The following GSG1L variants were observed in gnomAD, a reference collection of about 807,000 sequenced individuals.
GSG1L encodes germ cell-specific gene 1-like protein.
A neutral mutation model predicts 42.1 loss-of-function variants in GSG1L; 24 were observed. That is an observed-to-expected ratio of 0.57 (90% CI 0.41 to 0.80). GSG1L has a LOEUF of 0.80. GSG1L is among the 30% of genes least tolerant of loss of function. The pLI is 0.00. For missense variants in GSG1L, 445 were observed against 472.2 expected (o/e 0.94, Z 0.53); for synonymous variants, 215 against 203.5 (o/e 1.06, Z -0.48).
At chr16:27,900,334 T>A (rs1005206817) in intron 2 of GSG1L, among the ~76,000 whole-genome samples, 2 of 152,108 alleles carry the variant, frequency 1.3e-5, no homozygotes, top group African/African-American at 4.8e-5. Flanking sequence ...GCTATTACCA[T>A]CTCCACGTCA....
intron 2 of GSG1L, among the ~76,000 whole-genome samples, chr16:27,940,906 A>C (rs575639315): frequency 6.6e-6 from 1 of 152,078 alleles, no homozygotes; most frequent in African/African-American, 2.4e-5. Context: ...TAGGCCAAAG[A>C]AAGCATTAAT....
intron 6 of GSG1L, among the ~76,000 whole-genome samples, chr16:27,796,291 G>A (rs1413539078): frequency 6.6e-6 from 1 of 152,212 alleles, no homozygotes; most frequent in Non-Finnish European, 1.5e-5. Context: ...AGAAAGAAAG[G>A]AAGCTTGAAG....
intron 3 of GSG1L, among the ~76,000 whole-genome samples, chr16:27,877,220 G>A (rs1288673568): frequency 6.6e-6 from 1 of 152,084 alleles, no homozygotes; most frequent in African/African-American, 2.4e-5. Context: ...TGGGCAGCCG[G>A]AGCCATCCCT....
At chr16:27,959,264 C>A (rs1192033224) in intron 2 of GSG1L, among the ~76,000 whole-genome samples, 1 of 150,828 alleles carries the variant, frequency 6.6e-6, no homozygotes, top group Admixed American at 6.6e-5. Flanking sequence ...TTGAGACCAG[C>A]CTGGGCAACA....
intron 2 of GSG1L, among the ~76,000 whole-genome samples, chr16:27,960,797 G>A (rs764397751): frequency 3.9e-5 from 6 of 152,080 alleles, no homozygotes; most frequent in Non-Finnish European, 8.8e-5. Flanking sequence ...CAGCGAGTAC[G>A]TGAAAATCAT....
rs759855179 is a variant in GSG1L, at chr16:27,955,882, G to GAGGAAGGAAGGAAGGAAGGAAGGAAGGA, written c.397+7246_397+7273dup. On this transcript the variant is annotated intron_variant, in intron 2 of 6. Transcript: ENST00000447459. ...CAGGTCAAAAGACTCCATAAGAGAA[G>GAGGAAGGAAGGAAGGAAGGAAGGAAGGA]AGGAAGGAAGGAAGGAAGGAAGGAA... Among the ~76,000 whole-genome samples, 235 of 111,066 alleles carry GAGGAAGGAAGGAAGGAAGGAAGGAAGGA rather than the reference G, an allele frequency of 2.1e-3. 8 individuals carry two copies. The highest frequency in any genetic ancestry group is 3.3e-3 in the Non-Finnish European group (176 of 53,076). 72.9% of individuals were successfully genotyped at this position (111,066 alleles called of 152,430 possible).
chr16:27,847,486 A>T (rs2083456593), intron 3 of GSG1L, among the ~76,000 whole-genome samples: 1 of 152,224 alleles, frequency 6.6e-6, no homozygotes, highest in South Asian at 2.1e-4. Context: ...TGTTGAGTCC[A>T]GGGGGGCTAA....
intron 3 of GSG1L, among the ~76,000 whole-genome samples, chr16:27,875,932 TC>T (rs1461789132): frequency 6.6e-6 from 1 of 152,150 alleles, no homozygotes; most frequent in African/African-American, 2.4e-5. Context: ...AGATATAGAT[TC>T]CTGATTACAT....
chr16:27,912,669 C>T (rs1050826118), intron 2 of GSG1L, among the ~76,000 whole-genome samples: 7 of 152,162 alleles, frequency 4.6e-5, no homozygotes, highest in South Asian at 2.1e-4. Context: ...CACAGATTGA[C>T]GCAGCCACTT....
chr16:28,049,717 G>A (rs529034705), intron 1 of GSG1L, among the ~76,000 whole-genome samples: 9 of 151,448 alleles, frequency 5.9e-5, no homozygotes, highest in Middle Eastern at 3.4e-3. Context: ...AGAAGTGGAA[G>A]ACTAAAGTGA....
intron 2 of GSG1L, among the ~76,000 whole-genome samples, chr16:27,928,933 A>G (rs559925888): frequency 1.6e-4 from 24 of 152,348 alleles, no homozygotes; most frequent in African/African-American, 5.3e-4. Flanking sequence ...CGGAGTGATG[A>G]TTCACAGAGG....
At chr16:27,890,865 G>A (rs1211180769) in intron 2 of GSG1L, among the ~76,000 whole-genome samples, 1 of 152,230 alleles carries the variant, frequency 6.6e-6, no homozygotes. Context: ...CATGTGGGAA[G>A]TGGGATTCCA....
At chr16:27,836,877 T>A (rs1018223102) in intron 4 of GSG1L, among the ~76,000 whole-genome samples, 1 of 152,222 alleles carries the variant, frequency 6.6e-6, no homozygotes, top group Non-Finnish European at 1.5e-5. Flanking sequence ...TGGCATGGTA[T>A]GTGATTTTAA....
intron 3 of GSG1L, among the ~76,000 whole-genome samples, chr16:27,881,491 C>T (rs1172070368): frequency 2.6e-5 from 4 of 152,018 alleles, no homozygotes; most frequent in Admixed American, 6.6e-5. Flanking sequence ...CCACCCTCCT[C>T]GGCCTCTCAA....
chr16:27,963,783 G>A (rs1203322661), intron 1 of GSG1L, among the ~76,000 whole-genome samples: 2 of 152,014 alleles, frequency 1.3e-5, no homozygotes, highest in African/African-American at 2.4e-5. Flanking sequence ...GCTGTTCCCC[G>A]CCTGGAACAT....
At chr16:28,058,653 A>C (rs2086306402) in intron 1 of GSG1L, among the ~76,000 whole-genome samples, 2 of 148,102 alleles carry the variant, frequency 1.4e-5, no homozygotes, top group Admixed American at 6.7e-5. Context: ...AACCATGTCG[A>C]GGAGTTAGAG....
intron 1 of GSG1L, among the ~76,000 whole-genome samples, chr16:27,990,815 T>C (rs1394485997): frequency 6.6e-6 from 1 of 152,224 alleles, no homozygotes; most frequent in Non-Finnish European, 1.5e-5. Context: ...TAGCAGCATG[T>C]TTTGCAATCC....
chr16:27,807,419 C>T, intron 6 of GSG1L, 68 bp downstream of exon 6: 2 of 1,358,128 alleles, frequency 1.5e-6, no homozygotes, highest in East Asian at 2.3e-5. Context: ...GACTCTTCTC[C>T]AGGGATTCTT....
chr16:27,836,671 T>C (rs1449366145), intron 4 of GSG1L, among the ~76,000 whole-genome samples: 1 of 152,240 alleles, frequency 6.6e-6, no homozygotes, highest in Admixed American at 6.5e-5. Context: ...ATTTTGGTTA[T>C]TGAATTTTTT....
Sources: allele counts gnomAD v4.1 joint callset (sites outside exome capture counted in the v4.1 genomes callset), GRCh38; gene constraint gnomAD v4.1.1; transcripts MANE v1.5; gene names NCBI Gene and HGNC (gene_info 2026-07-23, HGNC 2026-07-21).